The following NUTM1 variants were observed in gnomAD, a reference collection of about 807,000 sequenced individuals.
NUTM1 encodes NUT midline carcinoma family member 1.
NUTM1 carries 39 observed loss-of-function variants against 88.7 expected under a neutral mutation model. The observed-to-expected ratio is 0.44, with a 90% CI of 0.34 to 0.57. The LOEUF (loss-of-function observed/expected upper bound fraction) is 0.57. NUTM1 is among the 20% of genes least tolerant of loss of function. The pLI, the probability that NUTM1 is intolerant of heterozygous loss-of-function variation, is 0.01. For synonymous variants in NUTM1, 494 were observed against 538.0 expected, an observed-to-expected ratio of 0.92 and a Z score of 1.13; for missense variants, 1,350 against 1,414.5, an observed-to-expected ratio of 0.95 and a Z score of 0.73.
chr15:34,349,391 G>A (rs1283661782), intron 3 of NUTM1, among the ~76,000 whole-genome samples: 2 of 152,200 alleles, frequency 1.3e-5, no homozygotes, highest in East Asian at 1.9e-4. Context: ...AGTCCTTGGC[G>A]CAGAGAATGT....
In NUTM1 at chr15:34,347,988, G is replaced by C. The variant is rs778349338; in HGVS notation, c.120G>C (p.Pro40=). The part of the protein sequence containing the change: ...ASDGASALPG[P]DMSMKPSAAP... ...CAACAGCATCTGCATTGCCGGGACC[G>C]GATATGAGCATGAAACCTAGTGCCG... Residue 40 remains proline, a synonymous_variant, in exon 3 of 8, where the codon CCG becomes CCC. Transcript: ENST00000537011. 6.2e-7 allele frequency: 1 copy of C among 1,611,408 alleles called. No individual in the cohort carries two copies. Among genetic ancestry groups the C allele is most frequent in the Non-Finnish European group, 8.5e-7 (1 of 1,178,176 alleles).
chr15:34,352,600 C>T (rs908077745), intron 4 of NUTM1, among the ~76,000 whole-genome samples: 10 of 148,664 alleles, frequency 6.7e-5, no homozygotes, highest in African/African-American at 1.2e-4. Flanking sequence ...AGATTGAGAC[C>T]ATTCTGGCTA....
rs144211838 is a variant in NUTM1, at chr15:34,343,594, G to C, written c.-103G>C. ...ATGTTGAGTATCAATATTCCGTAAAGCGAAAGAGCGTAAAGTTATTTTATG... is the reference window on the plus strand; with the variant it reads ...ATGTTGAGTATCAATATTCCGTAAACCGAAAGAGCGTAAAGTTATTTTATG... On this transcript the variant is annotated 5_prime_UTR_variant, in exon 1 of 8. Coordinates refer to ENST00000537011, the MANE Select transcript of NUTM1 (RefSeq NM_001284292.2). 4 of 1,535,220 alleles carry C rather than the reference G, an allele frequency of 2.6e-6. No individual in the cohort carries two copies. The East Asian group carries it at 9.8e-5, about 38-fold the overall frequency.
At position 34,343,337 on chromosome 15, in the gene NUTM1, C is replaced by T. The variant is rs1255341423; in HGVS notation, c.-360C>T. 12 of 617,824 alleles carry T rather than the reference C, an allele frequency of 1.9e-5. No individual in the cohort carries two copies. The highest frequency in any genetic ancestry group is 1.1e-4 in the East Asian group (4 of 36,146). 38.3% of individuals were successfully genotyped at this position (617,824 alleles called of 1,614,324 possible). ...TCCCTACTGTGTGCTAGGTACACGG[C>T]GTTAGAGGGGGGTAGGGATGGATGT... On this transcript the variant is annotated 5_prime_UTR_variant, in exon 1 of 8. Coordinates refer to ENST00000537011, the MANE Select transcript of NUTM1 (RefSeq NM_001284292.2).
At position 34,357,416 on chromosome 15, in the gene NUTM1, A is replaced by T. The variant is rs1890839937; in HGVS notation, c.3408A>T (p.Arg1136=). Residue 1136 remains arginine, a synonymous_variant, in exon 8 of 8, where the codon CGA becomes CGT. Coordinates refer to ENST00000537011, the MANE Select transcript of NUTM1 (RefSeq NM_001284292.2). ...REKPLALGVV[R]PSQPRKRRCD... ...AACCCCTAGCTCTGGGAGTAGTTCG[A>T]CCCTCACAGCCTCGTAAAAGGCGGT... 2.5e-6 allele frequency: 4 copies of T among 1,614,018 alleles called. No homozygotes were observed. The East Asian group carries it at 8.9e-5, about 36-fold the overall frequency.
At chr15:34,354,955 G>A (rs1890774269) in intron 6 of NUTM1, 66 bp from the exon 7 acceptor site, 1 of 1,294,378 alleles carries the variant, frequency 7.7e-7, no homozygotes, top group Non-Finnish European at 1.1e-6. Flanking sequence ...AGTTTCTTCT[G>A]TAAAGCCCCT....
intron 5 of NUTM1, 40 bp downstream of exon 5, chr15:34,353,912 G>T (rs767869591): frequency 7.1e-5 from 114 of 1,609,190 alleles, no homozygotes; most frequent in Non-Finnish European, 9.4e-5. Context: ...TGGGCCAAAG[G>T]CTCAAAGGGA....
intron 1 of NUTM1, 71 bp from the exon 2 acceptor site, chr15:34,345,871 C>T (rs937617417): frequency 2.3e-4 from 357 of 1,567,930 alleles, no homozygotes; most frequent in Non-Finnish European, 2.9e-4. Context: ...CCTTGAGTTC[C>T]GTATTCTAGT....
In NUTM1 at chr15:34,356,215, G is replaced by GAT. The variant is rs1566891040; in HGVS notation, c.2208_2209insTA (p.Ala737Ter). ...AGTTATGATCAGAATCCTTCCCCTA[G>GAT]AGCAGCTGGGGAGAGGGACGATGTC... On this transcript the variant is annotated frameshift_variant, in exon 8 of 8. Coordinates refer to ENST00000537011, the MANE Select transcript of NUTM1 (RefSeq NM_001284292.2). LOFTEE classifies it high-confidence loss of function. 2 of 1,607,320 alleles carry GAT rather than the reference G, an allele frequency of 1.2e-6. No individual in the cohort carries two copies. Among genetic ancestry groups the GAT allele is most frequent in the Admixed American group, 1.7e-5 (1 of 59,716 alleles).
In NUTM1 at chr15:34,357,359, C is replaced by T; in HGVS notation, c.3351C>T (p.His1117=). The change falls in exon 8 of 8, where the codon CAC becomes CAT. Residue 1117 remains histidine, a synonymous_variant. Coordinates refer to ENST00000537011, the MANE Select transcript of NUTM1 (RefSeq NM_001284292.2). The part of the protein sequence containing the change: ...GGPAPTEKTP[H]SGAQLGVPRE... ...CAGCCCCTACTGAAAAGACACCCCA[C>T]TCAGGAGCTCAACTTGGGGTCCCCA... The T allele has an allele frequency of 2.5e-6, 4 of 1,614,224 alleles. No individual in the cohort carries two copies. Among genetic ancestry groups the T allele is most frequent in the Non-Finnish European group, 3.4e-6 (4 of 1,180,034 alleles).
chr15:34,344,502 CAAAAAAAA>C (rs780145688), intron 1 of NUTM1, among the ~76,000 whole-genome samples: 3 of 85,752 alleles, frequency 3.5e-5, no homozygotes, highest in Admixed American at 1.3e-4. Flanking sequence ...GATCCTGTCT[CAAAAAAAA>C]AAAAAAAAAA....
Position 34,343,398 on chromosome 15 carries a change from C to G in NUTM1, c.-299C>G, listed in dbSNP as rs182278761. ...TTGACGTATAGAAGCCTGTCTTTGTCTCAAGATACACACCCATTTCAGGAG... is the reference window on the plus strand; with the variant it reads ...TTGACGTATAGAAGCCTGTCTTTGTGTCAAGATACACACCCATTTCAGGAG... On this transcript the variant is annotated 5_prime_UTR_variant, in exon 1 of 8. Transcript: ENST00000537011. 123 of 616,304 alleles carry G rather than the reference C, an allele frequency of 2.0e-4. No individual in the cohort carries two copies. The highest frequency in any genetic ancestry group is 1.9e-3 in the African/African-American group (105 of 54,288). 38.2% of individuals were successfully genotyped at this position (616,304 alleles called of 1,614,324 possible).
At chr15:34,344,773 C>CT (rs1469293829) in intron 1 of NUTM1, among the ~76,000 whole-genome samples, 1 of 152,122 alleles carries the variant, frequency 6.6e-6, no homozygotes, top group African/African-American at 2.4e-5. Context: ...AATCCCAGCA[C>CT]TTTGGGAGGC....
intron 4 of NUTM1, 106 bp downstream of exon 4, chr15:34,350,938 A>T: frequency 6.9e-7 from 1 of 1,441,698 alleles, no homozygotes; most frequent in Non-Finnish European, 9.6e-7. Context: ...CCATGTTAGG[A>T]TGGGGCGCAG....
chr15:34,348,739 G>A, intron 3 of NUTM1, 62 bp downstream of exon 3: 3 of 1,225,296 alleles, frequency 2.4e-6, no homozygotes, highest in Admixed American at 3.8e-5. Flanking sequence ...ACTTTGGGGT[G>A]AACATAGTAG....
chr15:34,352,948 C>T (rs1390727664), intron 4 of NUTM1, among the ~76,000 whole-genome samples: 2 of 134,328 alleles, frequency 1.5e-5, no homozygotes, highest in Non-Finnish European at 3.1e-5. Context: ...TGCAATGGCA[C>T]GATCTCGGCT....
chr15:34,343,609 G>C lies in NUTM1; in HGVS notation c.-88G>C. On this transcript the variant is annotated 5_prime_UTR_variant, in exon 1 of 8. Transcript: ENST00000537011. The stretch of plus-strand genomic sequence containing the variant: ...ATTCCGTAAAGCGAAAGAGCGTAAA[G>C]TTATTTTATGAAACTGGTGAAGCAT... 6.5e-7 allele frequency: 1 copy of C among 1,535,498 alleles called. No homozygotes were observed. Among genetic ancestry groups the C allele is most frequent in the Non-Finnish European group, 8.7e-7 (1 of 1,146,804 alleles).
Position 34,343,429 on chromosome 15 carries a change from A to C in NUTM1, c.-268A>C. The C allele has an allele frequency of 1.5e-6, 1 of 665,340 alleles. No individual in the cohort carries two copies. The highest frequency in any genetic ancestry group is 2.7e-5 in the East Asian group (1 of 36,372). 41.2% of individuals were successfully genotyped at this position (665,340 alleles called of 1,614,324 possible). The stretch of plus-strand genomic sequence containing the variant: ...ATACACACCCATTTCAGGAGCAGTG[A>C]GTTTTCAATGCCTGAAGAAACAAGG... On this transcript the variant is annotated 5_prime_UTR_variant, in exon 1 of 8. The change abolishes the stop of an existing upstream ORF in the 5' untranslated region. Coordinates refer to ENST00000537011, the MANE Select transcript of NUTM1 (RefSeq NM_001284292.2).
At chr15:34,352,145 C>T (rs1213397295) in intron 4 of NUTM1, among the ~76,000 whole-genome samples, 1 of 152,018 alleles carries the variant, frequency 6.6e-6, no homozygotes, top group African/African-American at 2.4e-5. Flanking sequence ...ACTCCAGCCT[C>T]GGCAACAAGA....
Sources: gnomAD v4.1 joint callset for allele counts (sites outside exome capture counted in the v4.1 genomes callset) on GRCh38, gnomAD v4.1.1 for gene constraint, MANE v1.5 for transcripts, NCBI Gene and HGNC (gene_info 2026-07-23, HGNC 2026-07-21) for gene names.